The following COL4A4 variants were observed in gnomAD, a reference collection of about 807,000 sequenced individuals.
COL4A4 encodes collagen alpha-4(IV) chain.
COL4A4 carries 105 observed loss-of-function variants against 192.9 expected under a neutral mutation model. The observed-to-expected ratio is 0.54, with a 90% CI of 0.46 to 0.64. The LOEUF is 0.64. Among genes scored for constraint, COL4A4 ranks in the 30% least tolerant of loss-of-function variants. COL4A4 has a pLI of 0.00. For synonymous variants in COL4A4, 762 were observed against 769.9 expected, an observed-to-expected ratio of 0.99 and a Z score of 0.17; for missense variants, 1,967 against 2,169.3, an observed-to-expected ratio of 0.91 and a Z score of 1.85.
chr2:227,043,164 C>G lies in COL4A4; in HGVS notation c.3310G>C (p.Glu1104Gln), dbSNP rs781622589. 2 of 1,614,118 alleles carry G rather than the reference C, an allele frequency of 1.2e-6. No individual in the cohort carries two copies. Among genetic ancestry groups the G allele is most frequent in the Non-Finnish European group, 1.7e-6 (2 of 1,179,990 alleles). The change falls in exon 36 of 48, where the codon GAG becomes CAG. Residue 1104 changes from glutamate (E) to glutamine (Q), a missense_variant. Transcript: ENST00000396625. ...GCPGHFGASG[E>Q]QGLPGIQGPR... ...CCTTGAATACCAGGCAAGCCCTGCTCTCCGGATGCTCCAAAATGCCCTAAA... is the reference window on the plus strand; with the variant it reads ...CCTTGAATACCAGGCAAGCCCTGCTGTCCGGATGCTCCAAAATGCCCTAAA...
chr2:227,119,490 C>A (rs1249306657), intron 6 of COL4A4, among the ~76,000 whole-genome samples: 1 of 147,984 alleles, frequency 6.8e-6, no homozygotes, highest in Non-Finnish European at 1.5e-5. Flanking sequence ...TGTAAGATAG[C>A]TATATATCGT....
intron 41 of COL4A4, among the ~76,000 whole-genome samples, chr2:227,028,429 G>A (rs1967492662): frequency 6.6e-6 from 1 of 152,070 alleles, no homozygotes; most frequent in African/African-American, 2.4e-5. Context: ...CATACGTGAT[G>A]TTCCTTTACT....
intron 41 of COL4A4, among the ~76,000 whole-genome samples, chr2:227,029,774 T>C (rs1218276347): frequency 6.6e-6 from 1 of 152,214 alleles, no homozygotes; most frequent in South Asian, 2.1e-4. Flanking sequence ...TGGATAAAAA[T>C]TGATTAAAAT....
At chr2:227,068,233 A>G (rs2058473743) in intron 25 of COL4A4, among the ~76,000 whole-genome samples, 1 of 152,066 alleles carries the variant, frequency 6.6e-6, no homozygotes, top group African/African-American at 2.4e-5. Context: ...TCAATAGCTT[A>G]CCAACTAAAA....
At chr2:227,086,505 T>C (rs922781609) in intron 22 of COL4A4, among the ~76,000 whole-genome samples, 3 of 150,984 alleles carry the variant, frequency 2.0e-5, no homozygotes, top group African/African-American at 7.3e-5. Context: ...TAGTGCCCCA[T>C]GGTATGACCC....
chr2:227,030,385 C>T, intron 41 of COL4A4, 58 bp downstream of exon 41: 1 of 1,572,376 alleles, frequency 6.4e-7, no homozygotes, highest in South Asian at 1.1e-5. Flanking sequence ...TACCCCAGAC[C>T]CTCAAGGGTA....
intron 7 of COL4A4, among the ~76,000 whole-genome samples, 175 bp from the exon 8 acceptor site, chr2:227,114,871 A>G (rs74466128): frequency 6.6e-6 from 1 of 152,296 alleles, no homozygotes; most frequent in African/African-American, 2.4e-5. Context: ...TCTCACATAT[A>G]TTTACTCCAT....
At chr2:227,053,049 G>A (rs956989549) in intron 31 of COL4A4, among the ~76,000 whole-genome samples, 1 of 150,636 alleles carries the variant, frequency 6.6e-6, no homozygotes, top group African/African-American at 2.4e-5. Context: ...GAGTATTTAT[G>A]CCATGACACT....
At chr2:227,066,651 C>T (rs2058358416) in intron 25 of COL4A4, among the ~76,000 whole-genome samples, 1 of 149,358 alleles carries the variant, frequency 6.7e-6, no homozygotes, top group Non-Finnish European at 1.5e-5. Context: ...AAATACTTTA[C>T]AGACAAGCAA....
intron 31 of COL4A4, among the ~76,000 whole-genome samples, chr2:227,053,602 C>T (rs1974646815): frequency 7.5e-6 from 1 of 133,706 alleles, no homozygotes; most frequent in African/African-American, 2.9e-5. Context: ...GGCTGGAGTG[C>T]AGTGGCATGA....
chr2:227,048,734 G>A (rs537188638), intron 34 of COL4A4, among the ~76,000 whole-genome samples: 208 of 152,310 alleles, frequency 1.4e-3, no homozygotes, highest in Admixed American at 3.1e-3. Context: ...CATGAAGGAA[G>A]TGAGAAGAGG....
intron 44 of COL4A4, among the ~76,000 whole-genome samples, chr2:227,015,534 C>A (rs1964689617): frequency 6.6e-6 from 1 of 152,162 alleles, no homozygotes; most frequent in Non-Finnish European, 1.5e-5. Flanking sequence ...TCCCTACCCC[C>A]AGGTTCAGCT....
At chr2:227,139,483 C>G (rs2063048787) in intron 4 of COL4A4, among the ~76,000 whole-genome samples, 2 of 152,162 alleles carry the variant, frequency 1.3e-5, no homozygotes, top group Middle Eastern at 3.2e-3. Context: ...TTCAAGAGAC[C>G]TGACAGACAG....
intron 25 of COL4A4, among the ~76,000 whole-genome samples, chr2:227,066,421 C>T (rs1197346492): frequency 2.0e-5 from 3 of 151,764 alleles, no homozygotes; most frequent in African/African-American, 4.8e-5. Context: ...TTGTCAGATT[C>T]ACCAAAGTTG....
intron 2 of COL4A4, among the ~76,000 whole-genome samples, chr2:227,147,144 A>C (rs2063598088): frequency 6.6e-6 from 1 of 152,182 alleles, no homozygotes; most frequent in Non-Finnish European, 1.5e-5. Context: ...GTCTTTTGCT[A>C]TTCAAACCTA....
intron 4 of COL4A4, among the ~76,000 whole-genome samples, chr2:227,132,604 C>T (rs568185702): frequency 3.9e-5 from 6 of 151,936 alleles, no homozygotes; most frequent in Non-Finnish European, 7.4e-5. Context: ...GGTGAAATCC[C>T]GGCTCTACTA....
At chr2:227,039,643 G>A (rs1396990291) in intron 37 of COL4A4, among the ~76,000 whole-genome samples, 1 of 152,160 alleles carries the variant, frequency 6.6e-6, no homozygotes, top group Admixed American at 6.5e-5. Context: ...ACTAAACTGG[G>A]AGGGTAGGAA....
At position 227,055,940 on chromosome 2, in the gene COL4A4, C is replaced by T. The variant is rs1447792021; in HGVS notation, c.2716+5G>A. ...GGAGGACATCATGGAAAAAGCACTA[C>T]CTACCCTTTGGACCTGGAGGACCAG... is the stretch of plus-strand genomic sequence containing the variant. On this transcript the variant is annotated splice_donor_5th_base_variant and intron_variant, in intron 30 of 47. Transcript: ENST00000396625. The T allele has an allele frequency of 3.1e-6, 5 of 1,613,384 alleles. No individual in the cohort carries two copies. The Admixed American group carries it at 8.3e-5, about 27-fold the overall frequency.
At chr2:227,085,060 G>C (rs757003990) in intron 22 of COL4A4, among the ~76,000 whole-genome samples, 9 of 152,070 alleles carry the variant, frequency 5.9e-5, no homozygotes, top group Non-Finnish European at 1.2e-4. Flanking sequence ...GAACCCGGGA[G>C]GCAGATGTTG....
Sources: gnomAD v4.1 joint callset for allele counts (sites outside exome capture counted in the v4.1 genomes callset) on GRCh38, gnomAD v4.1.1 for gene constraint, MANE v1.5 for transcripts, NCBI Gene and HGNC (gene_info 2026-07-23, HGNC 2026-07-21) for gene names.